The following RBFOX1 variants were observed in gnomAD, a reference collection of about 807,000 sequenced individuals.
RBFOX1 encodes RNA binding fox-1 homolog 1, also known as RNA binding protein fox-1 homolog 1.
A neutral mutation model predicts 57.7 loss-of-function variants in RBFOX1; 8 were observed. The observed-to-expected ratio is 0.14, with a 90% CI of 0.08 to 0.25. RBFOX1 has a LOEUF of 0.25. RBFOX1 is among the 10% of genes least tolerant of loss of function. The probability of loss-of-function intolerance (pLI) is 1.00; values close to 1 mark genes in which losing one functional copy is unlikely to be tolerated. For missense variants in RBFOX1, 611 were observed against 548.5 expected, an observed-to-expected ratio of 1.11 and a Z score of -1.14; for synonymous variants, 326 against 222.4, an observed-to-expected ratio of 1.47 and a Z score of -4.15.
intron 2 of RBFOX1, among the ~76,000 whole-genome samples, chr16:6,369,649 TTACCCTCCA>T (rs1321104817): frequency 6.6e-6 from 1 of 152,196 alleles, no homozygotes; most frequent in African/African-American, 2.4e-5. Flanking sequence ...TAAGTTTTAA[TTACCCTCCA>T]ACCTATACCT....
intron 4 of RBFOX1, among the ~76,000 whole-genome samples, chr16:7,339,198 G>A (rs1047033837): frequency 2.6e-5 from 4 of 152,130 alleles, no homozygotes; most frequent in Non-Finnish European, 5.9e-5. Context: ...AAGCAGGAAG[G>A]CCTAGCTTGC....
chr16:6,662,724 G>T (rs1230951308), intron 3 of RBFOX1, among the ~76,000 whole-genome samples: 3 of 152,086 alleles, frequency 2.0e-5, no homozygotes, highest in Non-Finnish European at 4.4e-5. Flanking sequence ...GAGACCCAGA[G>T]CCCCTGACAG....
chr16:6,821,215 C>T (rs1313423827), intron 3 of RBFOX1, among the ~76,000 whole-genome samples: 1 of 152,176 alleles, frequency 6.6e-6, no homozygotes, highest in South Asian at 2.1e-4. Flanking sequence ...CAGTCATGGC[C>T]TCTACCCTTG....
At chr16:6,877,432 A>G (rs1042525234) in intron 3 of RBFOX1, among the ~76,000 whole-genome samples, 1 of 152,128 alleles carries the variant, frequency 6.6e-6, no homozygotes, top group African/African-American at 2.4e-5. Context: ...CACAGAGACA[A>G]GCAAAACCAG....
intron 2 of RBFOX1, among the ~76,000 whole-genome samples, chr16:6,636,843 A>G (rs1400375187): frequency 8.4e-6 from 1 of 119,158 alleles, no homozygotes; most frequent in African/African-American, 3.5e-5. Context: ...TATAATATAT[A>G]ATATATATAA....
chr16:6,505,945 G>T (rs184910846), intron 2 of RBFOX1, among the ~76,000 whole-genome samples: 1 of 152,146 alleles, frequency 6.6e-6, no homozygotes, highest in Non-Finnish European at 1.5e-5. Context: ...CAGGAGAGGA[G>T]GTTAGTGACA....
At chr16:6,147,342 C>G (rs1282624102) in intron 1 of RBFOX1, among the ~76,000 whole-genome samples, 1 of 152,150 alleles carries the variant, frequency 6.6e-6, no homozygotes, top group Admixed American at 6.5e-5. Flanking sequence ...TCTGTGATCC[C>G]AAGCTATGAC....
intron 3 of RBFOX1, among the ~76,000 whole-genome samples, chr16:6,989,797 C>G (rs888896604): frequency 2.6e-5 from 4 of 152,166 alleles, no homozygotes; most frequent in South Asian, 4.2e-4. Context: ...GTCAGGATTT[C>G]GAAACTAGCC....
At chr16:6,394,368 A>G (rs1387409443) in intron 2 of RBFOX1, among the ~76,000 whole-genome samples, 2 of 152,226 alleles carry the variant, frequency 1.3e-5, no homozygotes, top group Non-Finnish European at 2.9e-5. Flanking sequence ...TTAAAGGAAT[A>G]ATCGATGCAT....
chr16:5,970,586 T>G (rs1194933810), intron 4 of RBFOX1, among the ~76,000 whole-genome samples: 3 of 152,182 alleles, frequency 2.0e-5, no homozygotes, highest in African/African-American at 7.2e-5. Context: ...CTGAGTAATT[T>G]TACAGTCTGT....
intron 1 of RBFOX1, among the ~76,000 whole-genome samples, chr16:5,371,522 C>A (rs1390840410): frequency 2.6e-5 from 4 of 152,222 alleles, no homozygotes; most frequent in African/African-American, 9.6e-5. Context: ...AGCCACCCCA[C>A]CTGTGACATT....
At chr16:7,346,674 G>C (rs990552678) in intron 4 of RBFOX1, among the ~76,000 whole-genome samples, 1 of 152,002 alleles carries the variant, frequency 6.6e-6, no homozygotes, top group Non-Finnish European at 1.5e-5. Flanking sequence ...GATCTGCCCT[G>C]TTATCAGAGA....
intron 4 of RBFOX1, among the ~76,000 whole-genome samples, chr16:7,223,383 T>C (rs1385355076): frequency 6.6e-6 from 1 of 152,236 alleles, no homozygotes; most frequent in Non-Finnish European, 1.5e-5. Context: ...GTAAGTCTCT[T>C]TGGTGGACTG....
At chr16:5,479,345 C>T (rs947464542) in intron 2 of RBFOX1, among the ~76,000 whole-genome samples, 2 of 152,174 alleles carry the variant, frequency 1.3e-5, no homozygotes, top group Non-Finnish European at 2.9e-5. Flanking sequence ...AGGTGATTTG[C>T]CTGAGGCCAC....
intron 1 of RBFOX1, among the ~76,000 whole-genome samples, chr16:5,300,692 A>C (rs1017797933): frequency 6.6e-6 from 1 of 152,064 alleles, no homozygotes; most frequent in African/African-American, 2.4e-5. Flanking sequence ...ATAACTGTAA[A>C]ACTTTTCATA....
intron 2 of RBFOX1, among the ~76,000 whole-genome samples, chr16:6,407,280 G>T (rs1340560448): frequency 1.3e-5 from 2 of 151,840 alleles, no homozygotes; most frequent in African/African-American, 4.8e-5. Context: ...CTATGTCCAA[G>T]TCTATATCCA....
At chr16:6,393,202 A>G (rs2092682516) in intron 2 of RBFOX1, among the ~76,000 whole-genome samples, 1 of 152,224 alleles carries the variant, frequency 6.6e-6, no homozygotes, top group Non-Finnish European at 1.5e-5. Flanking sequence ...AGATGCTGAA[A>G]TGTCACATTA....
At chr16:7,270,739 G>C (rs895282387) in intron 4 of RBFOX1, among the ~76,000 whole-genome samples, 4 of 152,206 alleles carry the variant, frequency 2.6e-5, no homozygotes, top group African/African-American at 9.6e-5. Context: ...GACTGCATCT[G>C]ATTAATCCCA....
chr16:6,654,969 G>C (rs1324111393), intron 3 of RBFOX1, among the ~76,000 whole-genome samples: 1 of 146,194 alleles, frequency 6.8e-6, no homozygotes, highest in Non-Finnish European at 1.5e-5. Context: ...TGATGTTGAC[G>C]TTCATTGTGT....
Sources: allele counts gnomAD v4.1 joint callset (sites outside exome capture counted in the v4.1 genomes callset), GRCh38; gene constraint gnomAD v4.1.1; transcripts MANE v1.5; gene names NCBI Gene and HGNC (gene_info 2026-07-23, HGNC 2026-07-21).